Variants in PHACTR3 observed in about 807,000 individuals in gnomAD.
PHACTR3 encodes the protein protein phosphatase 1, regulatory subunit 123.
PHACTR3 carries 16 observed loss-of-function variants against 66.8 expected under a neutral mutation model. That is an observed-to-expected ratio of 0.24 (90% CI 0.16 to 0.36). PHACTR3 has a LOEUF of 0.36. PHACTR3 is among the 10% of genes least tolerant of loss of function. The probability of loss-of-function intolerance (pLI) is 1.00; values close to 1 mark genes in which losing one functional copy is unlikely to be tolerated. For synonymous variants in PHACTR3, 323 were observed against 292.1 expected (o/e 1.11, Z -1.08); for missense variants, 647 against 719.9 (o/e 0.90, Z 1.16).
chr20:59,604,605 G>A lies in PHACTR3; in HGVS notation c.-410G>A. The A allele has an allele frequency of 4.0e-6, 1 of 248,114 alleles. No individual in the cohort carries two copies. The allele number at this position is 248,114 out of a possible 1,614,324, so 15.4% of individuals were successfully genotyped here. On this transcript the variant is annotated 5_prime_UTR_variant, in exon 1 of 13. Transcript: ENST00000371015. ...CTTTTTTCCTGGGGGGGTGGGGGGTGGGGTGGGGGGAGGGAGCGCCCCCAG... is the reference window on the plus strand; with the variant it reads ...CTTTTTTCCTGGGGGGGTGGGGGGTAGGGTGGGGGGAGGGAGCGCCCCCAG...
intron 1 of PHACTR3, among the ~76,000 whole-genome samples, chr20:59,705,463 T>C (rs2146625916): frequency 6.6e-6 from 1 of 152,328 alleles, no homozygotes; most frequent in South Asian, 2.1e-4. Context: ...ATTCATTCAT[T>C]TTGTAACCTT....
chr20:59,649,080 T>A (rs1004978226), intron 1 of PHACTR3, among the ~76,000 whole-genome samples: 5 of 152,218 alleles, frequency 3.3e-5, no homozygotes, highest in Admixed American at 6.5e-5. Context: ...AGAGTTTCCA[T>A]GCTGGACAAT....
At chr20:59,622,981 C>CAAAAAAAAAAAAAAAAAAAGAAAAAAAA in intron 1 of PHACTR3, among the ~76,000 whole-genome samples, 1 of 32,216 alleles carries the variant, frequency 3.1e-5, no homozygotes, top group Non-Finnish European at 5.5e-5. Context: ...CAGCTTTAAC[C>CAAAAAAAAAAAAAAAAAAAGAAAAAAAA]AAAAAAAAAA....
intron 2 of PHACTR3, among the ~76,000 whole-genome samples, chr20:59,746,735 G>C (rs565314322): frequency 6.6e-5 from 10 of 152,370 alleles, no homozygotes; most frequent in East Asian, 5.8e-4. Context: ...TGCACACACA[G>C]AACACTGATG....
At chr20:59,706,223 C>T (rs544967371) in intron 1 of PHACTR3, among the ~76,000 whole-genome samples, 1 of 152,252 alleles carries the variant, frequency 6.6e-6, no homozygotes, top group African/African-American at 2.4e-5. Flanking sequence ...CTGCAAAAGA[C>T]AATAGGGTTG....
intron 1 of PHACTR3, among the ~76,000 whole-genome samples, chr20:59,704,902 A>G (rs985064501): frequency 2.0e-5 from 3 of 151,904 alleles, no homozygotes; most frequent in African/African-American, 7.3e-5. Context: ...TTTTTACCAA[A>G]TTGAGTAATC....
chr20:59,827,280 G>A lies in PHACTR3; in HGVS notation c.1329-9225G>A, dbSNP rs183583332. 5.7e-3 allele frequency among the ~76,000 whole-genome samples: 872 copies of A among 152,226 alleles called. 3 individuals are homozygous for A. Among genetic ancestry groups the A allele is most frequent in the Non-Finnish European group, 7.0e-3 (476 of 68,006 alleles). On this transcript the variant is annotated intron_variant, in intron 8 of 12. Coordinates refer to ENST00000371015, the MANE Select transcript of PHACTR3 (RefSeq NM_080672.5). ...CCTCACCTGAGCCCTTGGAACACCCGGCTCCAGGAGGCTGATTGGAGGCGA... is the reference window on the plus strand; with the variant it reads ...CCTCACCTGAGCCCTTGGAACACCCAGCTCCAGGAGGCTGATTGGAGGCGA...
At chr20:59,828,963 T>C (rs763241689) in intron 8 of PHACTR3, among the ~76,000 whole-genome samples, 2 of 151,398 alleles carry the variant, frequency 1.3e-5, no homozygotes, top group Non-Finnish European at 1.5e-5. Flanking sequence ...GATGGACGGA[T>C]GGATGGATGC....
At chr20:59,709,057 T>C (rs1237592903) in intron 1 of PHACTR3, among the ~76,000 whole-genome samples, 2 of 152,164 alleles carry the variant, frequency 1.3e-5, no homozygotes, top group African/African-American at 4.8e-5. Flanking sequence ...CAAAAGAAGA[T>C]ATTGGAAGAC....
chr20:59,788,109 A>G (rs1286721257), intron 7 of PHACTR3, among the ~76,000 whole-genome samples: 1 of 150,952 alleles, frequency 6.6e-6, no homozygotes, highest in Admixed American at 6.6e-5. Context: ...CCCCCCTCCC[A>G]CTCTTCTCCC....
intron 1 of PHACTR3, among the ~76,000 whole-genome samples, chr20:59,667,805 GC>G (rs1197922502): frequency 2.6e-5 from 4 of 152,216 alleles, no homozygotes; most frequent in Non-Finnish European, 5.9e-5. Flanking sequence ...TTCTGTCTAA[GC>G]AGATGTGTGT....
chr20:59,680,532 A>G (rs1475854880), intron 1 of PHACTR3, among the ~76,000 whole-genome samples: 1 of 152,102 alleles, frequency 6.6e-6, no homozygotes, highest in East Asian at 1.9e-4. Context: ...CCTCCTCCTA[A>G]CAGCCCTCAC....
Position 59,620,720 on chromosome 20 carries a change from C to T in PHACTR3, c.118+15588C>T, listed in dbSNP as rs75613100. On this transcript the variant is annotated intron_variant, in intron 1 of 12. Transcript: ENST00000371015. ...TAACACTTTCTTCCTCTTTGTAATT[C>T]GTCAGCGTTTTGTGGGAAACCTTGA... is the stretch of plus-strand genomic sequence containing the variant. Among the ~76,000 whole-genome samples, 269 of 152,312 alleles carry T rather than the reference C, an allele frequency of 1.8e-3. 2 individuals are homozygous for T. In the South Asian group the frequency reaches 0.018, roughly 10 times the overall value.
chr20:59,800,921 C>CCT (rs148520531), intron 7 of PHACTR3, among the ~76,000 whole-genome samples: 15,279 of 152,160 alleles, frequency 0.1, 1,872 homozygotes, highest in African/African-American at 0.29. Context: ...GGCAGAACCC[C>CCT]GTGTACTCTA....
intron 1 of PHACTR3, among the ~76,000 whole-genome samples, chr20:59,646,279 G>T (rs1304587003): frequency 6.6e-6 from 1 of 152,176 alleles, no homozygotes; most frequent in Non-Finnish European, 1.5e-5. Context: ...TGGGGGCAAG[G>T]TTTAGCTATT....
At chr20:59,590,568 G>T (rs1203434310) in intron 1 of PHACTR3, among the ~76,000 whole-genome samples, 2 of 152,160 alleles carry the variant, frequency 1.3e-5, no homozygotes. Flanking sequence ...AAGCCTGGTG[G>T]TTAAGAAGGA....
At chr20:59,817,493 C>T (rs955024691) in intron 8 of PHACTR3, among the ~76,000 whole-genome samples, 24 of 152,378 alleles carry the variant, frequency 1.6e-4, no homozygotes, top group Non-Finnish European at 1.9e-4. Flanking sequence ...AAAGCTTTAT[C>T]GGAATGAGTA....
At chr20:59,650,747 A>AG (rs2035433630) in intron 1 of PHACTR3, among the ~76,000 whole-genome samples, 2 of 149,860 alleles carry the variant, frequency 1.3e-5, no homozygotes, top group Admixed American at 1.3e-4. Flanking sequence ...TAGCAAAAAA[A>AG]AAAAAAAAAA....
At position 59,604,619 on chromosome 20, in the gene PHACTR3, G is replaced by T; in HGVS notation, c.-396G>T. The T allele has an allele frequency of 3.7e-6, 1 of 268,224 alleles. No homozygotes were observed. Among genetic ancestry groups the T allele is most frequent in the Non-Finnish European group, 5.6e-6 (1 of 177,754 alleles). 16.6% of individuals were successfully genotyped at this position (268,224 alleles called of 1,614,324 possible). ...GGGTGGGGGGTGGGGTGGGGGGAGG[G>T]AGCGCCCCCAGACATTCCAGGACAT... is the stretch of plus-strand genomic sequence containing the variant. On this transcript the variant is annotated 5_prime_UTR_variant, in exon 1 of 13. Transcript: ENST00000371015.
Sources: allele counts gnomAD v4.1 joint callset (sites outside exome capture counted in the v4.1 genomes callset), GRCh38; gene constraint gnomAD v4.1.1; transcripts MANE v1.5; gene names NCBI Gene and HGNC (gene_info 2026-07-23, HGNC 2026-07-21).